The following DMTF1 variants were observed in gnomAD, a reference collection of about 807,000 sequenced individuals.
DMTF1 encodes the protein cyclin D binding myb like transcription factor 1, also known as cyclin-D-binding Myb-like transcription factor 1.
A neutral mutation model predicts 91.1 loss-of-function variants in DMTF1; 39 were observed. The observed-to-expected ratio is 0.43, with a 90% CI of 0.33 to 0.56. DMTF1 has a LOEUF of 0.56. Ranked by LOEUF, DMTF1 falls within the 20% of genes least tolerant of loss-of-function variation. The pLI, the probability that DMTF1 is intolerant of heterozygous loss-of-function variation, is 0.05. For synonymous variants in DMTF1, 338 were observed against 309.5 expected, an observed-to-expected ratio of 1.09 and a Z score of -0.97; for missense variants, 750 against 914.5, an observed-to-expected ratio of 0.82 and a Z score of 2.32.
intron 1 of DMTF1, among the ~76,000 whole-genome samples, chr7:87,158,544 TATA>T (rs1222345075): frequency 6.6e-6 from 1 of 152,082 alleles, no homozygotes; most frequent in Non-Finnish European, 1.5e-5. Context: ...CTTTAAGAGT[TATA>T]ATAATTTTAG....
Position 87,195,032 on chromosome 7 carries a change from T to A in DMTF1, c.2175T>A (p.Asp725Glu). ...ESVLPLTTLT[D>E]PILQHHQEES... ...AGACTAACTTGAAACTCATTACAGA[T>A]CCCATACTCCAACATCATCAGGAAG... The change falls in exon 18 of 18, where the codon GAT (aspartate) becomes GAA (glutamate). Residue 725 changes from aspartate (D) to glutamate (E), a missense_variant and splice_region_variant. Transcript: ENST00000331242. 6.2e-7 allele frequency: 1 copy of A among 1,607,760 alleles called. No individual in the cohort carries two copies.
rs1794334509 is a variant in DMTF1 at position 87,168,484 on chromosome 7, C to T, written c.232+1879C>T. On this transcript the variant is annotated intron_variant, in intron 4 of 17. Coordinates refer to ENST00000331242, the MANE Select transcript of DMTF1 (RefSeq NM_001142327.2). ...GCTCTAACTCTGTAGTCTTTTGCCT[C>T]ACTGGGCCCCATTGATCCTGTTACG... Among the ~76,000 whole-genome samples the T allele has an allele frequency of 3.3e-5, 5 of 152,322 alleles. No homozygotes were observed. In the South Asian group the frequency reaches 1.0e-3, roughly 32 times the overall value.
At chr7:87,186,076 T>G in intron 12 of DMTF1, 96 bp downstream of exon 12, 1 of 1,344,546 alleles carries the variant, frequency 7.4e-7, no homozygotes. Context: ...CAGCTAGAGA[T>G]ATCATAGCAG....
rs562306348 is a variant in DMTF1 at position 87,184,962 on chromosome 7, G to C, written c.1049+337G>C. ...AATGTGCCTCAGTCCTAGCCTAGGGGGAACACGTTTAGGATAAGAGGGCTG... is the reference window on the plus strand; with the variant it reads ...AATGTGCCTCAGTCCTAGCCTAGGGCGAACACGTTTAGGATAAGAGGGCTG... On this transcript the variant is annotated intron_variant, in intron 11 of 17. Coordinates refer to ENST00000331242, the MANE Select transcript of DMTF1 (RefSeq NM_001142327.2). 5.7e-5 allele frequency: 27 copies of C among 470,496 alleles called. No homozygotes were observed. In the East Asian group the frequency reaches 1.7e-3, roughly 30 times the overall value. 29.1% of individuals were successfully genotyped at this position (470,496 alleles called of 1,614,324 possible). A position where few individuals can be genotyped will look rare whatever the true frequency, so the allele number is the denominator to read the frequency against.
intron 1 of DMTF1, chr7:87,163,152 A>G (rs1792922055): frequency 6.6e-6 from 1 of 152,030 alleles, no homozygotes; most frequent in South Asian, 2.1e-4. Flanking sequence ...ATTGATTGAT[A>G]TACACATCAT....
intron 14 of DMTF1, chr7:87,192,868 C>T: frequency 5.0e-6 from 1 of 199,224 alleles, no homozygotes; most frequent in Non-Finnish European, 1.0e-5. Context: ...AAACTGGGGG[C>T]CTGCCAGTTT....
intron 15 of DMTF1, 116 bp downstream of exon 15, chr7:87,193,469 GCA>G (rs1413025806): frequency 2.7e-6 from 3 of 1,104,688 alleles, no homozygotes; most frequent in African/African-American, 1.5e-5. Flanking sequence ...GCTGTTCCAG[GCA>G]CAGTGTTATA....
rs186468810 is a variant in DMTF1, at chr7:87,189,435, T to G, written c.1411+1134T>G. 9.2e-5 allele frequency among the ~76,000 whole-genome samples: 14 copies of G among 152,266 alleles called. No individual in the cohort carries two copies. In the East Asian group the frequency reaches 2.5e-3, roughly 27 times the overall value. On this transcript the variant is annotated intron_variant, in intron 13 of 17. Coordinates refer to ENST00000331242, the MANE Select transcript of DMTF1 (RefSeq NM_001142327.2). ...AACTAAAATTACTAGTCCAAGTAAA[T>G]ATGAGAGTTGCTATTGGTTATAAAT... is the stretch of plus-strand genomic sequence containing the variant.
chr7:87,165,082 T>G, intron 3 of DMTF1, 32 bp downstream of exon 3: 1 of 1,480,032 alleles, frequency 6.8e-7, no homozygotes, highest in South Asian at 1.2e-5. Flanking sequence ...TAATTCTGAC[T>G]CTCTGAATTT....
At chr7:87,154,461 A>T (rs775340129) in intron 1 of DMTF1, 1 of 152,566 alleles carries the variant, frequency 6.6e-6, no homozygotes, top group South Asian at 2.1e-4. Flanking sequence ...GAATCTCTTT[A>T]ATTGGTTGCA....
Position 87,185,747 on chromosome 7 carries a change from AGTGC to A in DMTF1, c.1050-81_1050-78del, listed in dbSNP as rs1293132052. Reference sequence around the variant, plus strand: ...TAACCTGCCATTCCCTTTATTTGCCAGTGCAATTACCTGTAGTCAGAGGAGGGGT... The same window carrying A: ...TAACCTGCCATTCCCTTTATTTGCCAAATTACCTGTAGTCAGAGGAGGGGT... On this transcript the variant is annotated intron_variant, in intron 11 of 17. Transcript: ENST00000331242. 4 of 1,468,618 alleles carry A rather than the reference AGTGC, an allele frequency of 2.7e-6. No individual in the cohort carries two copies. In the African/African-American group the frequency reaches 4.2e-5, roughly 15 times the overall value. 91.0% of individuals were successfully genotyped at this position (1,468,618 alleles called of 1,614,324 possible).
chr7:87,180,489 A>G (rs1275693193), intron 8 of DMTF1, among the ~76,000 whole-genome samples: 1 of 152,254 alleles, frequency 6.6e-6, no homozygotes. Flanking sequence ...TTTTAAAAAG[A>G]ACATTACATA....
intron 4 of DMTF1, among the ~76,000 whole-genome samples, chr7:87,170,188 A>G (rs1401626076): frequency 1.3e-5 from 2 of 152,154 alleles, no homozygotes; most frequent in African/African-American, 4.8e-5. Context: ...TCTACAAATC[A>G]TAGTGGCTCT....
At chr7:87,178,240 AT>A (rs1278543059) in intron 7 of DMTF1, among the ~76,000 whole-genome samples, 2 of 152,074 alleles carry the variant, frequency 1.3e-5, no homozygotes, top group Non-Finnish European at 2.9e-5. Context: ...GCTTTTTAAA[AT>A]GTTATGTAAA....
At chr7:87,193,395 G>T in intron 15 of DMTF1, 42 bp downstream of exon 15, 1 of 1,604,802 alleles carries the variant, frequency 6.2e-7, no homozygotes, top group Non-Finnish European at 8.5e-7. Context: ...ACCTGTTATA[G>T]ACCAGGATTA....
At chr7:87,156,929 C>A (rs1288614451) in intron 1 of DMTF1, among the ~76,000 whole-genome samples, 1 of 152,066 alleles carries the variant, frequency 6.6e-6, no homozygotes, top group Admixed American at 6.5e-5. Flanking sequence ...AAATTTAGAT[C>A]TATGTGCTCA....
chr7:87,180,671 A>G (rs1361333575), intron 8 of DMTF1, among the ~76,000 whole-genome samples: 1 of 152,156 alleles, frequency 6.6e-6, no homozygotes, highest in East Asian at 1.9e-4. Flanking sequence ...TTTTTGGAGT[A>G]GTTATGATTT....
At chr7:87,153,988 T>C (rs1414634877) in intron 1 of DMTF1, among the ~76,000 whole-genome samples, 1 of 152,254 alleles carries the variant, frequency 6.6e-6, no homozygotes, top group Non-Finnish European at 1.5e-5. Flanking sequence ...TGTCTTTTAA[T>C]AACTTGAATA....
intron 3 of DMTF1, among the ~76,000 whole-genome samples, chr7:87,165,489 G>T (rs1389797636): frequency 2.0e-5 from 3 of 152,090 alleles, no homozygotes; most frequent in African/African-American, 7.2e-5. Flanking sequence ...TCCCCGACTT[G>T]CTCATTATTT....
Sources: allele counts gnomAD v4.1 joint callset (sites outside exome capture counted in the v4.1 genomes callset), GRCh38; gene constraint gnomAD v4.1.1; transcripts MANE v1.5; gene names NCBI Gene and HGNC (gene_info 2026-07-23, HGNC 2026-07-21).